The following BIRC5 variants were observed in gnomAD, a reference collection of about 807,000 sequenced individuals.
BIRC5 encodes the protein baculoviral IAP repeat containing 5, also known as baculoviral IAP repeat-containing protein 5.
Under a neutral mutation model 15.8 loss-of-function variants are expected in BIRC5, and 8 were observed. The ratio of observed to expected loss-of-function variants is 0.51; its 90% CI spans 0.30 to 0.91. The LOEUF is 0.91. Ranked by LOEUF, BIRC5 falls within the 40% of genes least tolerant of loss-of-function variation. The probability of loss-of-function intolerance (pLI) is 0.07; values close to 1 mark genes in which losing one functional copy is unlikely to be tolerated. For synonymous variants in BIRC5, 56 were observed against 64.5 expected (o/e 0.87, Z 0.63); for missense variants, 163 against 178.6 (o/e 0.91, Z 0.50).
At chr17:78,220,508 A>G (rs905329312) in intron 3 of BIRC5, among the ~76,000 whole-genome samples, 1 of 152,008 alleles carries the variant, frequency 6.6e-6, no homozygotes, top group African/African-American at 2.4e-5. Flanking sequence ...CAGTCCCTGC[A>G]GGAGACCTCT....
At chr17:78,222,319 A>T (rs981216635) in intron 3 of BIRC5, among the ~76,000 whole-genome samples, 10 of 151,372 alleles carry the variant, frequency 6.6e-5, no homozygotes, top group African/African-American at 2.4e-4. Flanking sequence ...AAAATGACAA[A>T]TTTTTATTAC....
chr17:78,218,318 G>A (rs1020595803), intron 3 of BIRC5, among the ~76,000 whole-genome samples: 3 of 147,970 alleles, frequency 2.0e-5, no homozygotes, highest in Middle Eastern at 3.3e-3. Flanking sequence ...TTTTTGAGAC[G>A]AGTCTCACTT....
rs2076538652 is a variant in BIRC5, at chr17:78,224,713, C to T, written c.*1159C>T. 6.6e-6 allele frequency: 1 copy of T among 152,184 alleles called. No homozygotes were observed. The highest frequency in any genetic ancestry group is 2.4e-5 in the African/African-American group (1 of 41,438). 9.4% of individuals were successfully genotyped at this position (152,184 alleles called of 1,614,324 possible). On this transcript the variant is annotated 3_prime_UTR_variant, in exon 4 of 4. Coordinates refer to ENST00000350051, the MANE Select transcript of BIRC5 (RefSeq NM_001168.3). ...TGTCATTTCAAACACTGCTGTGGAC[C>T]CTACTGGGTTTTTAAAATATTGTCA...
chr17:78,219,210 A>C (rs1209995007), intron 3 of BIRC5, among the ~76,000 whole-genome samples: 2 of 152,122 alleles, frequency 1.3e-5, no homozygotes, highest in African/African-American at 2.4e-5. Flanking sequence ...TTTGAGACAG[A>C]GTGTCACTCA....
At chr17:78,217,121 GC>G (rs909346887) in intron 3 of BIRC5, among the ~76,000 whole-genome samples, 13 of 148,582 alleles carry the variant, frequency 8.7e-5, no homozygotes, top group African/African-American at 3.0e-4. Context: ...CTCGTGATTC[GC>G]CCACCTTGGC....
rs561204598 is a variant in BIRC5 at position 78,221,178 on chromosome 17, C to T, written c.340-2287C>T. ...CAACTTAGTTCTTCATAAGAGTTTA[C>T]TTGGTAAATACTTGTGATGAGGACA... On this transcript the variant is annotated intron_variant, in intron 3 of 3. Transcript: ENST00000350051. Among the ~76,000 whole-genome samples, 3 of 152,334 alleles carry T rather than the reference C, an allele frequency of 2.0e-5. No individual in the cohort carries two copies. The East Asian group carries it at 5.8e-4, about 29-fold the overall frequency.
chr17:78,225,339 T>C lies in BIRC5; in HGVS notation c.*1785T>C. On this transcript the variant is annotated 3_prime_UTR_variant, in exon 4 of 4. Transcript: ENST00000350051. ...ATCTGTTAATAAAGCCGTAGGCCCT[T>C]GTCTAAGTGCAACCGCCTAGACTTT... 6.6e-6 allele frequency: 1 copy of C among 152,264 alleles called. No homozygotes were observed. The highest frequency in any genetic ancestry group is 1.9e-4 in the East Asian group (1 of 5,204). 9.4% of individuals were successfully genotyped at this position (152,264 alleles called of 1,614,324 possible). A position where few individuals can be genotyped will look rare whatever the true frequency, so the allele number is the denominator to read the frequency against.
rs1239677187 is a variant in BIRC5 at position 78,224,507 on chromosome 17, A to T, written c.*953A>T. The stretch of plus-strand genomic sequence containing the variant: ...GTCACGTTCTCCACACGGGGGAGAG[A>T]CGCAGTCCGCCCAGGTCCCCGCTTT... On this transcript the variant is annotated 3_prime_UTR_variant, in exon 4 of 4. Transcript: ENST00000350051. 1.3e-5 allele frequency: 2 copies of T among 152,172 alleles called. No individual in the cohort carries two copies. The highest frequency in any genetic ancestry group is 2.9e-5 in the Non-Finnish European group (2 of 68,048). The allele number at this position is 152,172 out of a possible 1,614,324, so 9.4% of individuals were successfully genotyped here.
At chr17:78,220,427 CA>C (rs33943536) in intron 3 of BIRC5, among the ~76,000 whole-genome samples, 30,999 of 132,540 alleles carry the variant, frequency 0.23, 3,497 homozygotes, top group Middle Eastern at 0.28. Flanking sequence ...GACTCCGTCT[CA>C]AAAAAAAAAA....
intron 2 of BIRC5, 200 bp from the exon 3 acceptor site, chr17:78,216,464 G>C (rs2076478743): frequency 1.9e-6 from 1 of 533,288 alleles, no homozygotes; most frequent in Admixed American, 3.1e-5. Context: ...ATGTCCACAG[G>C]GAGAGAGAAG....
chr17:78,222,739 T>G, intron 3 of BIRC5: 1 of 1,461,298 alleles, frequency 6.8e-7, no homozygotes, highest in Non-Finnish European at 9.0e-7. Context: ...CTTTGTTTTT[T>G]AATGTAGTAG....
At chr17:78,217,458 G>A (rs923084257) in intron 3 of BIRC5, among the ~76,000 whole-genome samples, 5 of 149,538 alleles carry the variant, frequency 3.3e-5, no homozygotes, top group African/African-American at 9.9e-5. Context: ...TTATAGGTGT[G>A]AGCCACCACA....
At chr17:78,223,034 G>T in intron 3 of BIRC5, 2 of 1,419,988 alleles carry the variant, frequency 1.4e-6, no homozygotes, top group Non-Finnish European at 1.8e-6. Context: ...TAGACTAGCT[G>T]GGGTGCCTAG....
At chr17:78,220,451 T>C (rs1438418989) in intron 3 of BIRC5, among the ~76,000 whole-genome samples, 11 of 148,314 alleles carry the variant, frequency 7.4e-5, no homozygotes, top group Admixed American at 6.7e-4. Context: ...AAAAGTAGGC[T>C]TTCATGATGT....
chr17:78,217,785 C>A (rs927759192), intron 3 of BIRC5, among the ~76,000 whole-genome samples: 1 of 151,912 alleles, frequency 6.6e-6, no homozygotes, highest in African/African-American at 2.4e-5. Flanking sequence ...GTGTGAGCCA[C>A]CACACCCGGC....
At chr17:78,215,090 T>C (rs530384325) in intron 2 of BIRC5, 3 of 288,058 alleles carry the variant, frequency 1.0e-5, no homozygotes, top group East Asian at 1.8e-4. Context: ...AGTGCTTTTT[T>C]TGAGATTTTT....
intron 3 of BIRC5, among the ~76,000 whole-genome samples, chr17:78,218,065 C>G (rs182547930): frequency 1.3e-5 from 2 of 151,910 alleles, no homozygotes; most frequent in South Asian, 2.1e-4. Flanking sequence ...TTTGCCTGGG[C>G]CTCCCAAAGT....
In BIRC5 at chr17:78,214,449, G is replaced by GGGTC. The variant is rs556970411; in HGVS notation, c.111+23_111+26dup. On this transcript the variant is annotated intron_variant, in intron 1 of 3. Transcript: ENST00000350051. ...GCGGGTGAGACTGCCCGGCCTCCTG[G>GGGTC]GGTCCCCCACGCCCGCCTTGCCCTG... 1.6e-4 allele frequency: 241 copies of GGGTC among 1,523,882 alleles called. 2 individuals are homozygous for GGGTC. The African/African-American group carries it at 3.0e-3, about 19-fold the overall frequency. 94.4% of individuals were successfully genotyped at this position (1,523,882 alleles called of 1,614,324 possible).
intron 3 of BIRC5, chr17:78,222,819 G>A: frequency 6.5e-7 from 1 of 1,535,916 alleles, no homozygotes; most frequent in South Asian, 1.2e-5. Flanking sequence ...ATTGTCATTT[G>A]CCCCTTAGGA....
Sources: gnomAD v4.1 joint callset for allele counts (sites outside exome capture counted in the v4.1 genomes callset) on GRCh38, gnomAD v4.1.1 for gene constraint, MANE v1.5 for transcripts, NCBI Gene and HGNC (gene_info 2026-07-23, HGNC 2026-07-21) for gene names.